The following AFM variants were observed in gnomAD, a reference collection of about 807,000 sequenced individuals.
AFM encodes alpha-Alb.
A neutral mutation model predicts 68.7 loss-of-function variants in AFM; 82 were observed. The ratio of observed to expected loss-of-function variants is 1.19; its 90% confidence interval spans 1.00 to 1.43. The LOEUF (loss-of-function observed/expected upper bound fraction) is 1.43. Among genes scored for constraint, AFM ranks in the 40% most tolerant of loss-of-function variants. AFM has a pLI of 0.00. For synonymous variants in AFM, 250 were observed against 234.2 expected (o/e 1.07, Z -0.61); for missense variants, 772 against 701.8 (o/e 1.10, Z -1.13).
In AFM at chr4:73,488,698, A is replaced by C. The variant is rs761124562; in HGVS notation, c.782A>C (p.Asp261Ala). The change falls in exon 7 of 15, where the codon GAT becomes GCT. Residue 261 changes from aspartate (D) to alanine (A), a missense_variant. Transcript: ENST00000226355. ...AAGGAGCTTATTTCTCTTGTAGAAG[A>C]TGTTTCTTCCAACTATGATGGATGC... The part of the protein sequence containing the change: ...EFKELISLVE[D>A]VSSNYDGCCE... 27 of 1,613,210 alleles carry C rather than the reference A, an allele frequency of 1.7e-5. No homozygotes were observed. The highest frequency in any genetic ancestry group is 2.2e-5 in the Non-Finnish European group (26 of 1,179,492).
In AFM at chr4:73,500,184, A is replaced by G. The variant is rs149561663; in HGVS notation, c.1603A>G (p.Met535Val). Reference sequence around the variant, plus strand: ...AGATTTATTTACCTTTCACGCAGACATGTGTCAATCTCAGAATGAGGAGCT... The same window carrying G: ...AGATTTATTTACCTTTCACGCAGACGTGTGTCAATCTCAGAATGAGGAGCT... ...SQDLFTFHAD[M>V]CQSQNEELQR... The change falls in exon 12 of 15, where the codon ATG becomes GTG. Residue 535 changes from methionine (M) to valine (V), a missense_variant. Coordinates refer to ENST00000226355, the MANE Select transcript of AFM (RefSeq NM_001133.2). 25 of 1,613,618 alleles carry G rather than the reference A, an allele frequency of 1.5e-5. No individual in the cohort carries two copies. In the African/African-American group the frequency reaches 1.9e-4, roughly 12 times the overall value.
chr4:73,488,931 G>T (rs965591560), intron 7 of AFM, among the ~76,000 whole-genome samples, 172 bp downstream of exon 7: 5 of 152,056 alleles, frequency 3.3e-5, no homozygotes, highest in African/African-American at 1.2e-4. Context: ...TAAACCTTGG[G>T]ATTTTTTATA....
chr4:73,485,933 C>T lies in AFM; in HGVS notation c.342C>T (p.Cys114=). The change falls in exon 4 of 15, where the codon TGC becomes TGT. Residue 114 remains cysteine, a synonymous_variant. Coordinates refer to ENST00000226355, the MANE Select transcript of AFM (RefSeq NM_001133.2). The part of the protein sequence containing the change: ...LPQKHNFSHC[C]SKVDAQRRLC... ...AAAAGCATAATTTCTCACACTGCTGCAGTAAGGTTGATGCTCAAAGAAGAC... is the reference window on the plus strand; with the variant it reads ...AAAAGCATAATTTCTCACACTGCTGTAGTAAGGTTGATGCTCAAAGAAGAC... 5.0e-6 allele frequency: 8 copies of T among 1,614,066 alleles called. No homozygotes were observed. The highest frequency in any genetic ancestry group is 6.8e-6 in the Non-Finnish European group (8 of 1,179,972).
In AFM at chr4:73,503,077, C is replaced by A; in HGVS notation, c.*7C>A. On this transcript the variant is annotated 3_prime_UTR_variant, in exon 14 of 15. Transcript: ENST00000226355. ...TCCAAAAATTGGCAACTGAAGCCAG[C>A]TGCTGGAGATATGTAAAGAAAAAAG... 2.5e-6 allele frequency: 4 copies of A among 1,613,026 alleles called. No homozygotes were observed. The highest frequency in any genetic ancestry group is 3.4e-6 in the Non-Finnish European group (4 of 1,179,256).
chr4:73,492,284 G>A lies in AFM; in HGVS notation c.1058+198G>A, dbSNP rs1045357035. 2.0e-4 allele frequency among the ~76,000 whole-genome samples: 30 copies of A among 152,002 alleles called. 1 individual carries two copies. Among genetic ancestry groups the A allele is most frequent in the African/African-American group, 6.5e-4 (27 of 41,464 alleles). ...AATCAACTGTATTATTAAAATAATC[G>A]CTAGCATTTATTGAGCACTTAATAT... On this transcript the variant is annotated intron_variant, in intron 8 of 14. Transcript: ENST00000226355.
chr4:73,503,019 T>C (rs1721461521), intron 13 of AFM, 31 bp from the exon 14 acceptor site: 10 of 1,609,450 alleles, frequency 6.2e-6, no homozygotes, highest in Non-Finnish European at 8.5e-6. Context: ...TTTTTCTTCC[T>C]ATGTGTTTTT....
intron 3 of AFM, among the ~76,000 whole-genome samples, chr4:73,484,838 A>G (rs1438730195): frequency 6.6e-6 from 1 of 152,084 alleles, no homozygotes; most frequent in Non-Finnish European, 1.5e-5. Context: ...TGCCCTGCCA[A>G]TTGCTTGTGT....
At chr4:73,484,895 G>A (rs1720848182) in intron 3 of AFM, among the ~76,000 whole-genome samples, 1 of 152,058 alleles carries the variant, frequency 6.6e-6, no homozygotes, top group Non-Finnish European at 1.5e-5. Context: ...AAAATTTCTG[G>A]CTTGAAAATA....
chr4:73,500,237 A>G lies in AFM; in HGVS notation c.1646+10A>G. ...AGAGGAAGACAGACAGGTACAAATA[A>G]TCTCTTCCATTCTTCTTTTTCTTTG... On this transcript the variant is annotated intron_variant, in intron 12 of 14. Coordinates refer to ENST00000226355, the MANE Select transcript of AFM (RefSeq NM_001133.2). 1 of 1,594,528 alleles carries G rather than the reference A, an allele frequency of 6.3e-7. No homozygotes were observed. Among genetic ancestry groups the G allele is most frequent in the Non-Finnish European group, 8.6e-7 (1 of 1,167,472 alleles).
chr4:73,494,908 G>A (rs1252844666), intron 8 of AFM, among the ~76,000 whole-genome samples: 1 of 152,142 alleles, frequency 6.6e-6, no homozygotes, highest in Non-Finnish European at 1.5e-5. Context: ...TGGGCGGGAA[G>A]GAAGCCATAT....
chr4:73,499,318 T>G (rs1487117142), intron 11 of AFM, 72 bp downstream of exon 11: 1 of 1,285,914 alleles, frequency 7.8e-7, no homozygotes, highest in Non-Finnish European at 1.0e-6. Flanking sequence ...CACTCATTGA[T>G]TTACCGTGAT....
At chr4:73,499,605 C>A (rs1204987283) in intron 11 of AFM, among the ~76,000 whole-genome samples, 2 of 152,064 alleles carry the variant, frequency 1.3e-5, no homozygotes, top group Non-Finnish European at 2.9e-5. Flanking sequence ...ATTGCTTCAT[C>A]CAGCAATCAG....
chr4:73,495,453 T>A, intron 9 of AFM, 21 bp downstream of exon 9: 1 of 1,594,836 alleles, frequency 6.3e-7, no homozygotes. Context: ...TTGTTGTAGG[T>A]TCAGAAAATC....
chr4:73,498,478 C>A (rs182956104), intron 10 of AFM, among the ~76,000 whole-genome samples: 1 of 151,980 alleles, frequency 6.6e-6, no homozygotes, highest in Non-Finnish European at 1.5e-5. Flanking sequence ...GTAGAGATGG[C>A]GTTTTGCCAT....
At chr4:73,482,604 G>C (rs144108782) in intron 1 of AFM, among the ~76,000 whole-genome samples, 10 of 151,986 alleles carry the variant, frequency 6.6e-5, no homozygotes, top group Non-Finnish European at 1.0e-4. Flanking sequence ...CTTTTCCCTC[G>C]TAACAACCTG....
intron 13 of AFM, among the ~76,000 whole-genome samples, chr4:73,502,201 G>C (rs1487626989): frequency 6.6e-6 from 1 of 152,078 alleles, no homozygotes; most frequent in Non-Finnish European, 1.5e-5. Context: ...AAATGAGGAT[G>C]GTAATAATTA....
intron 10 of AFM, 88 bp downstream of exon 10, chr4:73,497,837 T>C: frequency 1.2e-6 from 1 of 800,428 alleles, no homozygotes; most frequent in Non-Finnish European, 1.9e-6. Context: ...CTGTCAAGTT[T>C]TTCAGTTATG....
intron 11 of AFM, 33 bp from the exon 12 acceptor site, chr4:73,499,971 A>T (rs1478225459): frequency 2.6e-6 from 4 of 1,559,918 alleles, no homozygotes; most frequent in South Asian, 1.1e-5. Context: ...AAGTTTTAAG[A>T]TCGTATCTCA....
At chr4:73,499,649 G>A (rs1252651188) in intron 11 of AFM, among the ~76,000 whole-genome samples, 2 of 152,100 alleles carry the variant, frequency 1.3e-5, no homozygotes, top group African/African-American at 2.4e-5. Context: ...CTGGGGTGGA[G>A]AGTACCTTGA....
Sources: gnomAD v4.1 joint callset for allele counts (sites outside exome capture counted in the v4.1 genomes callset) on GRCh38, gnomAD v4.1.1 for gene constraint, MANE v1.5 for transcripts, NCBI Gene and HGNC (gene_info 2026-07-23, HGNC 2026-07-21) for gene names.